The following SDK1 variants were observed in gnomAD, a reference collection of about 807,000 sequenced individuals.
The protein encoded by SDK1 is protein sidekick-1.
Under a neutral mutation model 245.5 loss-of-function variants are expected in SDK1, and 157 were observed. That is an observed-to-expected ratio of 0.64 (90% confidence interval 0.56 to 0.73). The LOEUF (loss-of-function observed/expected upper bound fraction) is 0.73, where lower values mean the gene tolerates loss of function less well. SDK1 is among the 30% of genes least tolerant of loss of function. The pLI is 0.00. For missense variants in SDK1, 3,583 were observed against 3,002.3 expected (o/e 1.19, Z -4.52); for synonymous variants, 1,647 against 1,278.5 (o/e 1.29, Z -6.15).
At chr7:4,101,353 T>C (rs1211010748) in intron 22 of SDK1, among the ~76,000 whole-genome samples, 2 of 152,126 alleles carry the variant, frequency 1.3e-5, no homozygotes, top group Non-Finnish European at 1.5e-5. Flanking sequence ...TTCACCGTGT[T>C]AGCCAGGATG....
chr7:3,652,638 A>G (rs917277435), intron 4 of SDK1, among the ~76,000 whole-genome samples: 1 of 152,236 alleles, frequency 6.6e-6, no homozygotes, highest in African/African-American at 2.4e-5. Flanking sequence ...TCATTCAGAC[A>G]GTCAGAAGCG....
At chr7:3,398,566 T>A (rs1408011413) in intron 1 of SDK1, among the ~76,000 whole-genome samples, 4 of 152,036 alleles carry the variant, frequency 2.6e-5, no homozygotes, top group Non-Finnish European at 1.5e-5. Context: ...CGGGCATATT[T>A]CAAAATACTT....
At chr7:4,233,699 G>A (rs1455507909) in intron 41 of SDK1, among the ~76,000 whole-genome samples, 1 of 152,152 alleles carries the variant, frequency 6.6e-6, no homozygotes, top group Non-Finnish European at 1.5e-5. Context: ...CTCCAGCTTA[G>A]TTGAGGTTCT....
In SDK1 at chr7:4,266,804, TGTAA is replaced by T; in HGVS notation, c.*1423_*1426del. 1.0e-6 allele frequency: 1 copy of T among 985,488 alleles called. No individual in the cohort carries two copies. Among genetic ancestry groups the T allele is most frequent in the East Asian group, 1.1e-4 (1 of 8,800 alleles). The allele number at this position is 985,488 out of a possible 1,614,324, so 61.0% of individuals were successfully genotyped here. Reference sequence around the variant, plus strand: ...CACTGGCGTGTGTGCCCCGGGTCCCTGTAAGTGCCCCCTCACCAGCAGCAGCGTG... The same window carrying T: ...CACTGGCGTGTGTGCCCCGGGTCCCTGTGCCCCCTCACCAGCAGCAGCGTG... On this transcript the variant is annotated 3_prime_UTR_variant, in exon 45 of 45. Transcript: ENST00000404826.
chr7:3,666,764 A>G lies in SDK1; in HGVS notation c.713+24659A>G, dbSNP rs556539637. 2.0e-5 allele frequency among the ~76,000 whole-genome samples: 3 copies of G among 152,332 alleles called. No individual in the cohort carries two copies. The South Asian group carries it at 6.2e-4, about 32-fold the overall frequency. ...TACATTTGTGAAAACAAAAAAAATC[A>G]AAGGAGAGACATCCTTTAATGATGT... is the stretch of plus-strand genomic sequence containing the variant. On this transcript the variant is annotated intron_variant, in intron 4 of 44. Transcript: ENST00000404826.
At chr7:3,386,978 T>C (rs1374010437) in intron 1 of SDK1, among the ~76,000 whole-genome samples, 1 of 152,158 alleles carries the variant, frequency 6.6e-6, no homozygotes, top group Non-Finnish European at 1.5e-5. Flanking sequence ...ATTCTAACTT[T>C]AGAGCTATGG....
intron 1 of SDK1, among the ~76,000 whole-genome samples, chr7:3,534,885 C>G (rs1278781727): frequency 6.6e-6 from 1 of 152,278 alleles, no homozygotes; most frequent in Admixed American, 6.5e-5. Context: ...TTATCAGCCA[C>G]GTGTACATGT....
intron 14 of SDK1, among the ~76,000 whole-genome samples, chr7:4,003,616 C>T (rs1048143715): frequency 2.6e-5 from 4 of 152,202 alleles, no homozygotes; most frequent in Non-Finnish European, 4.4e-5. Flanking sequence ...GGAGGTAAAG[C>T]GCCATTCTCA....
intron 1 of SDK1, among the ~76,000 whole-genome samples, chr7:3,411,185 G>A (rs1562470664): frequency 6.6e-6 from 1 of 152,108 alleles, no homozygotes; most frequent in Non-Finnish European, 1.5e-5. Flanking sequence ...AAATCCAAGA[G>A]AGCCGGGAAG....
At chr7:4,023,751 A>T (rs1216828532) in intron 17 of SDK1, among the ~76,000 whole-genome samples, 1 of 152,118 alleles carries the variant, frequency 6.6e-6, no homozygotes, top group Non-Finnish European at 1.5e-5. Flanking sequence ...ATCGATGCTG[A>T]CTCGCTGTTT....
At chr7:4,072,193 G>A (rs942147778) in intron 20 of SDK1, among the ~76,000 whole-genome samples, 2 of 152,202 alleles carry the variant, frequency 1.3e-5, no homozygotes, top group South Asian at 2.1e-4. Flanking sequence ...TTCGAAGCTC[G>A]AGCTTTCCTG....
Position 3,637,184 on chromosome 7 carries a change from G to A in SDK1, c.459-1820G>A, listed in dbSNP as rs146562596. Among the ~76,000 whole-genome samples, 86 of 152,002 alleles carry A rather than the reference G, an allele frequency of 5.7e-4. 2 individuals carry two copies. Among genetic ancestry groups the A allele is most frequent in the Admixed American group, 5.4e-3 (83 of 15,260 alleles). ...GCAATCTTAGTTCACTGCAACCTCC[G>A]CCTCCCGAGTTCAAGTGATTCTCCT... On this transcript the variant is annotated intron_variant, in intron 2 of 44. Transcript: ENST00000404826.
At chr7:4,209,045 T>C (rs1784382070) in intron 37 of SDK1, among the ~76,000 whole-genome samples, 1 of 152,166 alleles carries the variant, frequency 6.6e-6, no homozygotes, top group Admixed American at 6.5e-5. Flanking sequence ...CGACATTCCA[T>C]GGGTTCAGCT....
chr7:3,360,700 C>G (rs1780928121), intron 1 of SDK1, among the ~76,000 whole-genome samples: 3 of 152,168 alleles, frequency 2.0e-5, no homozygotes, highest in African/African-American at 2.4e-5. Context: ...ATCCCAACCA[C>G]CTGGTCTGTC....
rs866272785 is a variant in SDK1, at chr7:3,330,493, A to G, written c.298+28609A>G. ...TCATCAGGGTGAGGCCTCCATGATG[A>G]GACTGTTGGCTTTGTAAGAAGAGAA... On this transcript the variant is annotated intron_variant, in intron 1 of 44. Transcript: ENST00000404826. 3.5e-4 allele frequency among the ~76,000 whole-genome samples: 53 copies of G among 152,142 alleles called. 1 individual carries two copies. Among genetic ancestry groups the G allele is most frequent in the Admixed American group, 2.6e-3 (39 of 15,276 alleles).
intron 4 of SDK1, among the ~76,000 whole-genome samples, chr7:3,730,715 G>A (rs1421078884): frequency 6.6e-6 from 1 of 152,022 alleles, no homozygotes; most frequent in African/African-American, 2.4e-5. Context: ...ATTCCTTCCA[G>A]GAAACTATCA....
chr7:3,924,521 A>G (rs1172919927), intron 5 of SDK1, among the ~76,000 whole-genome samples: 1 of 152,140 alleles, frequency 6.6e-6, no homozygotes, highest in African/African-American at 2.4e-5. Context: ...CTGTCAGACG[A>G]CAAACAGGGA....
At chr7:3,396,199 TA>T (rs1374160754) in intron 1 of SDK1, among the ~76,000 whole-genome samples, 2 of 151,894 alleles carry the variant, frequency 1.3e-5, no homozygotes, top group Non-Finnish European at 2.9e-5. Flanking sequence ...CTTGTAATTT[TA>T]AAAAAATTTT....
chr7:3,376,258 T>G (rs1212240481), intron 1 of SDK1, among the ~76,000 whole-genome samples: 2 of 152,168 alleles, frequency 1.3e-5, no homozygotes, highest in Non-Finnish European at 1.5e-5. Context: ...GAACCGTTAA[T>G]TTATTATAAG....
Sources: gnomAD v4.1 joint callset for allele counts (sites outside exome capture counted in the v4.1 genomes callset) on GRCh38, gnomAD v4.1.1 for gene constraint, MANE v1.5 for transcripts, NCBI Gene and HGNC (gene_info 2026-07-23, HGNC 2026-07-21) for gene names.